Variants in DIS3 observed in about 807,000 individuals in gnomAD.
DIS3 encodes the protein DIS3 exosome endoribonuclease and 3'-5' exoribonuclease, also known as exosome complex exonuclease RRP44.
A neutral mutation model predicts 113.0 loss-of-function variants in DIS3; 103 were observed. That is an observed-to-expected ratio of 0.91 (90% confidence interval 0.78 to 1.07). DIS3 has a LOEUF of 1.07. DIS3 is among the 50% of genes least tolerant of loss of function. The pLI, the probability that DIS3 is intolerant of heterozygous loss-of-function variation, is 0.00. For synonymous variants in DIS3, 402 were observed against 394.3 expected (o/e 1.02, Z -0.23); for missense variants, 1,121 against 1,167.1 (o/e 0.96, Z 0.58).
intron 3 of DIS3, 49 bp from the exon 4 acceptor site, chr13:72,777,542 T>C (rs1234386160): frequency 5.2e-6 from 8 of 1,536,970 alleles, no homozygotes; most frequent in Middle Eastern, 3.4e-4. Flanking sequence ...TTTCCTTAGA[T>C]ATGAAAAAAA....
intron 14 of DIS3, 108 bp downstream of exon 14, chr13:72,768,677 A>ACTTC: frequency 1.2e-6 from 1 of 807,254 alleles, no homozygotes; most frequent in Non-Finnish European, 1.8e-6. Context: ...TGGAAGCTAG[A>ACTTC]AGAAACAGGA....
rs780778744 is a variant in DIS3, at chr13:72,781,726, C to A, written c.107G>T (p.Cys36Phe). ...RDDIGCGAPGCAACGGAHEGP... is the reference protein window; with the variant it reads ...RDDIGCGAPGFAACGGAHEGP... ...CTCGTGCGCCCCTCCACACGCTGCG[C>A]ACCCGGGCGCACCGCAGCCGATGTC... The change falls in exon 1 of 21, where the codon TGC (cysteine) becomes TTC (phenylalanine). Residue 36 changes from cysteine to phenylalanine, a missense_variant. Physicochemically the swap from Cys to Phe is radical, Grantham distance 205. This residue lies in a region of DIS3 where 254 missense variants were observed against 232.2 expected (regional missense o/e 1.09). Transcript: ENST00000377767. 1.9e-6 allele frequency: 3 copies of A among 1,581,692 alleles called. No individual in the cohort carries two copies. Among genetic ancestry groups the A allele is most frequent in the Non-Finnish European group, 2.6e-6 (3 of 1,164,998 alleles).
intron 2 of DIS3, among the ~76,000 whole-genome samples, chr13:72,779,081 T>C (rs1435690168): frequency 2.0e-5 from 3 of 152,126 alleles, no homozygotes; most frequent in Non-Finnish European, 2.9e-5. Context: ...TTAATAGTTT[T>C]AGAATTATTT....
intron 14 of DIS3, among the ~76,000 whole-genome samples, chr13:72,767,260 T>G (rs1400362347): frequency 1.3e-5 from 2 of 152,114 alleles, no homozygotes. Context: ...AAATACAGAC[T>G]GCTGAAATTA....
chr13:72,754,482 G>A lies in DIS3; in HGVS notation c.*5313C>T, dbSNP rs911805123. 2 of 151,820 alleles carry A rather than the reference G, an allele frequency of 1.3e-5. No individual in the cohort carries two copies. Among genetic ancestry groups the A allele is most frequent in the Non-Finnish European group, 1.5e-5 (1 of 68,052 alleles). 9.4% of individuals were successfully genotyped at this position (151,820 alleles called of 1,614,324 possible). ...GAACCACCTTGCCCTGCTGTTATAT[G>A]CCAGTTTCTTATAAAATACTATAAA... On this transcript the variant is annotated 3_prime_UTR_variant, in exon 21 of 21. Transcript: ENST00000377767.
Position 72,758,011 on chromosome 13 carries a change from C to G in DIS3, c.*1784G>C, listed in dbSNP as rs2033532934. On this transcript the variant is annotated 3_prime_UTR_variant, in exon 21 of 21. Coordinates refer to ENST00000377767, the MANE Select transcript of DIS3 (RefSeq NM_014953.5). ...TCATGGCCTTCACATTCACTAACCA[C>G]TTACTGACTCACCCAGAGCCAGCTT... The G allele has an allele frequency of 1.0e-5, 2 of 195,764 alleles. No homozygotes were observed. The highest frequency in any genetic ancestry group is 1.6e-4 in the East Asian group (2 of 12,664). 12.1% of individuals were successfully genotyped at this position (195,764 alleles called of 1,614,324 possible).
chr13:72,777,623 T>C lies in DIS3; in HGVS notation c.581-130A>G, dbSNP rs909409523. On this transcript the variant is annotated intron_variant, in intron 3 of 20. Transcript: ENST00000377767. Reference sequence around the variant, plus strand: ...TTGAGACACACTGAGAGTCTCACTCTGTCTCTCAGGCTGGAGTGCAGCGGC... The same window carrying C: ...TTGAGACACACTGAGAGTCTCACTCCGTCTCTCAGGCTGGAGTGCAGCGGC... 1.9e-5 allele frequency: 15 copies of C among 784,208 alleles called. No individual in the cohort carries two copies. In the Admixed American group the frequency reaches 3.4e-4, roughly 18 times the overall value. The allele number at this position is 784,208 out of a possible 1,614,324, so 48.6% of individuals were successfully genotyped here.
In DIS3 at chr13:72,762,023, T is replaced by A; in HGVS notation, c.2242A>T (p.Met748Leu). 6.2e-7 allele frequency: 1 copy of A among 1,614,136 alleles called. No homozygotes were observed. Among genetic ancestry groups the A allele is most frequent in the Non-Finnish European group, 8.5e-7 (1 of 1,180,018 alleles). Residue 748 changes from methionine (M) to leucine (L), a missense_variant, in exon 17 of 21, where the codon ATG becomes TTG. Met to Leu is a conservative substitution (Grantham distance 15). Coordinates refer to ENST00000377767, the MANE Select transcript of DIS3 (RefSeq NM_014953.5). Reference protein sequence around the residue: ...TLLRILATRCMMQAVYFCSGM... With the variant: ...TLLRILATRCLMQAVYFCSGM... ...GAACAGAAGTACACAGCTTGCATCA[T>A]ACAGCGAGTGGCTAATATTCTCAAC...
At position 72,758,570 on chromosome 13, in the gene DIS3, CACTG is replaced by C. The variant is rs377231125; in HGVS notation, c.*1221_*1224del. 120 of 219,608 alleles carry C rather than the reference CACTG, an allele frequency of 5.5e-4. 1 individual carries two copies. In the East Asian group the frequency reaches 7.5e-3, roughly 14 times the overall value. The allele number at this position is 219,608 out of a possible 1,614,324, so 13.6% of individuals were successfully genotyped here. A position where few individuals can be genotyped will look rare whatever the true frequency, so the allele number is the denominator to read the frequency against. On this transcript the variant is annotated 3_prime_UTR_variant, in exon 21 of 21. Coordinates refer to ENST00000377767, the MANE Select transcript of DIS3 (RefSeq NM_014953.5). Reference sequence around the variant, plus strand: ...GACTCCTACTCTACTGTTTCAGTGTCACTGACCCATTTTACCTGGACCAAAGACT... The same window carrying C: ...GACTCCTACTCTACTGTTTCAGTGTCACCCATTTTACCTGGACCAAAGACT...
intron 16 of DIS3, among the ~76,000 whole-genome samples, chr13:72,762,983 T>C (rs919301948): frequency 6.6e-6 from 1 of 152,150 alleles, no homozygotes; most frequent in Admixed American, 6.5e-5. Flanking sequence ...CATCCAGCTT[T>C]AGCATAGGGT....
At position 72,775,313 on chromosome 13, in the gene DIS3, C is replaced by T; in HGVS notation, c.885G>A (p.Glu295=). 6.2e-7 allele frequency: 1 copy of T among 1,613,714 alleles called. No individual in the cohort carries two copies. Among genetic ancestry groups the T allele is most frequent in the Non-Finnish European group, 8.5e-7 (1 of 1,179,760 alleles). The change falls in exon 6 of 21, where the codon GAG becomes GAA. Residue 295 remains glutamate (E), a synonymous_variant. Coordinates refer to ENST00000377767, the MANE Select transcript of DIS3 (RefSeq NM_014953.5). ...RAVHEDIVAV[E]LLPKSQWVAP... is the part of the protein sequence containing the mutation. ...CTACCCACTGACTCTTGGGGAGAAG[C>T]TCCACAGCCACAATATCTTCGTGAA...
At position 72,755,939 on chromosome 13, in the gene DIS3, A is replaced by G; in HGVS notation, c.*3856T>C. ...CAAACGTGGGTAGGGATGTGGGAGA[A>G]TAAGAATGTGGGAGAACCAAGAGAA... On this transcript the variant is annotated 3_prime_UTR_variant, in exon 21 of 21. Coordinates refer to ENST00000377767, the MANE Select transcript of DIS3 (RefSeq NM_014953.5). 5.0e-6 allele frequency: 2 copies of G among 398,632 alleles called. No homozygotes were observed. The highest frequency in any genetic ancestry group is 3.6e-5 in the East Asian group (1 of 28,072). The allele number at this position is 398,632 out of a possible 1,614,324, so 24.7% of individuals were successfully genotyped here.
intron 2 of DIS3, among the ~76,000 whole-genome samples, chr13:72,779,149 C>G (rs1399213494): frequency 6.8e-6 from 1 of 147,158 alleles, no homozygotes; most frequent in African/African-American, 2.5e-5. Flanking sequence ...GAAACAGAGT[C>G]TTGCTCTGTA....
chr13:72,766,104 A>G, intron 14 of DIS3, 46 bp from the exon 15 acceptor site: 2 of 1,464,638 alleles, frequency 1.4e-6, no homozygotes, highest in East Asian at 2.3e-5. Flanking sequence ...CAAGCCAATA[A>G]AAGACAAAAG....
Position 72,775,216 on chromosome 13 carries a change from G to A in DIS3, c.982C>T (p.Arg328Ter). ...EDVEKEEETE[R>*]MLKTAVSEKM... ...AATCCTGCTTAGATTCATACCATTCGTTCTGTCTCTTCTTCTTTCTCCACA... is the reference window on the plus strand; with the variant it reads ...AATCCTGCTTAGATTCATACCATTCATTCTGTCTCTTCTTCTTTCTCCACA... Residue 328 changes from arginine to a stop codon, truncating the protein, a stop_gained, in exon 6 of 21, where the codon CGA (arginine) becomes TGA (stop). Transcript: ENST00000377767. LOFTEE classifies it high-confidence loss of function. The A allele has an allele frequency of 4.3e-6, 7 of 1,610,710 alleles. No homozygotes were observed. The highest frequency in any genetic ancestry group is 1.3e-5 in the African/African-American group (1 of 74,798).
rs770727147 is a variant in DIS3 at position 72,761,713 on chromosome 13, T to C, written c.2444A>G (p.Lys815Arg). 1.2e-6 allele frequency: 2 copies of C among 1,613,688 alleles called. No individual in the cohort carries two copies. Among genetic ancestry groups the C allele is most frequent in the South Asian group, 2.2e-5 (2 of 90,872 alleles). Reference protein sequence around the residue: ...TDKHKLADICKNLNFRHKMAQ... With the variant: ...TDKHKLADICRNLNFRHKMAQ... The stretch of plus-strand genomic sequence containing the variant: ...CATTTTGTGCCGGAAATTTAGATTT[T>C]TACATATATCTGCAAGCTTGTGTTT... Residue 815 changes from lysine (K) to arginine (R), a missense_variant, in exon 18 of 21, where the codon AAA becomes AGA. By Grantham distance (26) the Lys-to-Arg change is conservative. Transcript: ENST00000377767.
At chr13:72,770,582 C>T (rs1046358546) in intron 13 of DIS3, among the ~76,000 whole-genome samples, 10 of 152,142 alleles carry the variant, frequency 6.6e-5, no homozygotes, top group Admixed American at 2.0e-4. Context: ...GTTCTGCATT[C>T]TTCTCTGAGA....
chr13:72,761,223 G>A (rs2033614970), intron 19 of DIS3, 140 bp downstream of exon 19: 1 of 1,114,870 alleles, frequency 9.0e-7, no homozygotes, highest in Non-Finnish European at 1.2e-6. Flanking sequence ...ATTAAATGTA[G>A]ATTTTCTGGC....
At chr13:72,773,438 G>C (rs1464610725) in intron 8 of DIS3, among the ~76,000 whole-genome samples, 1 of 151,986 alleles carries the variant, frequency 6.6e-6, no homozygotes, top group East Asian at 1.9e-4. Context: ...CTCCAGCCGG[G>C]GCAACAGGGT....
Sources: gnomAD v4.1 joint callset for allele counts (sites outside exome capture counted in the v4.1 genomes callset) on GRCh38, gnomAD v4.1.1 for gene constraint, gnomAD v4.1.1 regional missense constraint, MANE v1.5 for transcripts, NCBI Gene and HGNC (gene_info 2026-07-23, HGNC 2026-07-21) for gene names.